LDAH: variants seen among roughly 807,000 people sequenced by gnomAD.
The protein encoded by LDAH is lipid droplet associated hydrolase, also known as lipid droplet-associated hydrolase.
LDAH carries 26 observed loss-of-function variants against 29.6 expected under a neutral mutation model. The observed-to-expected ratio is 0.88, with a 90% confidence interval of 0.64 to 1.22. LDAH has a LOEUF of 1.22. LDAH is among the 50% of genes most tolerant of loss of function. The pLI is 0.00. For missense variants in LDAH, 344 were observed against 387.3 expected (o/e 0.89, Z 0.94); for synonymous variants, 117 against 133.0 (o/e 0.88, Z 0.83).
rs926654396 is a variant in LDAH, at chr2:20,710,731, T to C, written c.704-9079A>G. On this transcript the variant is annotated intron_variant, in intron 5 of 6. Transcript: ENST00000237822. ...CACATATATTATACATATATATACA[T>C]ATATATTATACACATATACATATAT... Among the ~76,000 whole-genome samples the C allele has an allele frequency of 3.4e-5, 5 of 147,968 alleles. No individual in the cohort carries two copies. In the East Asian group the frequency reaches 5.8e-4, roughly 17 times the overall value.
chr2:20,728,062 T>C (rs1284567014), intron 5 of LDAH, among the ~76,000 whole-genome samples: 1 of 152,164 alleles, frequency 6.6e-6, no homozygotes, highest in Non-Finnish European at 1.5e-5. Flanking sequence ...CCTAGAATTT[T>C]TCAGAGCTTA....
chr2:20,740,924 T>C (rs541832174), intron 4 of LDAH, among the ~76,000 whole-genome samples: 2 of 152,340 alleles, frequency 1.3e-5, no homozygotes, highest in Non-Finnish European at 1.5e-5. Flanking sequence ...TGTTTCTATA[T>C]CCTTTTCAGC....
chr2:20,810,905 T>C (rs982665031), intron 1 of LDAH, among the ~76,000 whole-genome samples: 1 of 152,114 alleles, frequency 6.6e-6, no homozygotes, highest in Non-Finnish European at 1.5e-5. Flanking sequence ...TAACGCCCAG[T>C]GATCTGAGAT....
intron 5 of LDAH, among the ~76,000 whole-genome samples, chr2:20,729,169 A>G (rs1165047883): frequency 6.6e-6 from 1 of 152,068 alleles, no homozygotes. Flanking sequence ...GTCTCCTGGA[A>G]GATGCAGTAG....
Position 20,809,268 on chromosome 2 carries a change from G to A in LDAH, c.-2-7803C>T, listed in dbSNP as rs536353669. On this transcript the variant is annotated intron_variant, in intron 1 of 6. Transcript: ENST00000237822. ...AAAAAAATTAGCTGCGCTTGGTGGC[G>A]CGTGCCTGTAATCCCAGCTACTCAG... is the stretch of plus-strand genomic sequence containing the variant. Among the ~76,000 whole-genome samples the A allele has an allele frequency of 2.2e-3, 331 of 151,348 alleles. 1 individual carries two copies. Among genetic ancestry groups the A allele is most frequent in the Non-Finnish European group, 2.4e-3 (163 of 67,934 alleles).
chr2:20,789,715 G>A (rs1365777723), intron 3 of LDAH, among the ~76,000 whole-genome samples: 1 of 152,186 alleles, frequency 6.6e-6, no homozygotes, highest in Admixed American at 6.5e-5. Flanking sequence ...ATGAAGGTGT[G>A]CGACGGGCGA....
chr2:20,800,225 C>T (rs1262337997), intron 2 of LDAH, among the ~76,000 whole-genome samples: 1 of 152,088 alleles, frequency 6.6e-6, no homozygotes, highest in Middle Eastern at 3.2e-3. Context: ...TCATAAAACC[C>T]TGAAGTCTTA....
intron 3 of LDAH, among the ~76,000 whole-genome samples, chr2:20,783,998 T>A (rs769985917): frequency 6.6e-6 from 1 of 152,208 alleles, no homozygotes; most frequent in African/African-American, 2.4e-5. Flanking sequence ...CGGGCGTGTA[T>A]AACTGTGCCT....
chr2:20,735,521 T>A (rs1266443614), intron 5 of LDAH, among the ~76,000 whole-genome samples: 1 of 152,210 alleles, frequency 6.6e-6, no homozygotes, highest in African/African-American at 2.4e-5. Context: ...TATTAATTGA[T>A]CATTAAATAA....
chr2:20,746,832 T>C (rs1213445550), intron 4 of LDAH, among the ~76,000 whole-genome samples: 1 of 152,140 alleles, frequency 6.6e-6, no homozygotes, highest in Non-Finnish European at 1.5e-5. Context: ...ATTCATTCTA[T>C]CCTAAGAAAA....
At chr2:20,733,976 C>T (rs112640912) in intron 5 of LDAH, among the ~76,000 whole-genome samples, 4,289 of 152,230 alleles carry the variant, frequency 0.028, 204 homozygotes, top group African/African-American at 0.099. Flanking sequence ...TTTGATTCCA[C>T]TGTGGTCACT....
intron 1 of LDAH, 48 bp from the exon 2 acceptor site, chr2:20,801,513 C>A: frequency 1.3e-6 from 2 of 1,534,030 alleles, no homozygotes; most frequent in Non-Finnish European, 1.8e-6. Flanking sequence ...AAATGTAAAA[C>A]CTTGAGCCAA....
chr2:20,685,464 G>A lies in LDAH; in HGVS notation c.*1439C>T. ...CTTGGGCTAACAGCACTCCTTGTCT[G>A]GAGCTTGGCTTTTCCCCTCTGAGAA... On this transcript the variant is annotated 3_prime_UTR_variant, in exon 7 of 7. Coordinates refer to ENST00000237822, the MANE Select transcript of LDAH (RefSeq NM_021925.4). 6.6e-7 allele frequency: 1 copy of A among 1,505,960 alleles called. No homozygotes were observed. The highest frequency in any genetic ancestry group is 1.3e-5 in the South Asian group (1 of 77,072). 93.3% of individuals were successfully genotyped at this position (1,505,960 alleles called of 1,614,324 possible).
chr2:20,797,462 C>G (rs543511125), intron 2 of LDAH, among the ~76,000 whole-genome samples: 42 of 152,268 alleles, frequency 2.8e-4, no homozygotes, highest in African/African-American at 9.9e-4. Flanking sequence ...ATGCTGGGTC[C>G]CTACTCAATC....
intron 1 of LDAH, among the ~76,000 whole-genome samples, chr2:20,816,364 A>T (rs1672848563): frequency 6.6e-6 from 1 of 152,160 alleles, no homozygotes; most frequent in Non-Finnish European, 1.5e-5. Context: ...AGACCCAAGC[A>T]TATAGCGTCT....
intron 4 of LDAH, among the ~76,000 whole-genome samples, chr2:20,746,468 T>A (rs114484109): frequency 0.013 from 1,999 of 152,300 alleles, 45 homozygotes; most frequent in African/African-American, 0.046. Context: ...ATTGAATGCG[T>A]CACTGCCTTG....
intron 5 of LDAH, among the ~76,000 whole-genome samples, chr2:20,711,330 G>C (rs1314035654): frequency 6.6e-6 from 1 of 151,650 alleles, no homozygotes; most frequent in African/African-American, 2.4e-5. Context: ...GCTTGAAGTG[G>C]GCCGAGATTG....
intron 3 of LDAH, among the ~76,000 whole-genome samples, chr2:20,778,989 TAC>T (rs1435456017): frequency 6.6e-6 from 1 of 152,058 alleles, no homozygotes; most frequent in Non-Finnish European, 1.5e-5. Flanking sequence ...TTTATTTTCA[TAC>T]AAACAGTATT....
chr2:20,796,913 T>G (rs901763084), intron 2 of LDAH, among the ~76,000 whole-genome samples: 10 of 152,198 alleles, frequency 6.6e-5, no homozygotes, highest in Non-Finnish European at 1.3e-4. Flanking sequence ...TTCCCTCTGA[T>G]ACGCCTTTAT....
Sources: allele counts gnomAD v4.1 joint callset (sites outside exome capture counted in the v4.1 genomes callset), GRCh38; gene constraint gnomAD v4.1.1; transcripts MANE v1.5; gene names NCBI Gene and HGNC (gene_info 2026-07-23, HGNC 2026-07-21).